Variants in GARRE1 observed in about 807,000 individuals in gnomAD.
GARRE1 encodes granule associated Rac and RHOG effector protein 1.
In GARRE1, 49 loss-of-function variants were observed where a neutral mutation model predicts 103.2. The ratio of observed to expected loss-of-function variants is 0.47; its 90% confidence interval spans 0.38 to 0.60. The LOEUF (loss-of-function observed/expected upper bound fraction) is 0.60, where lower values mean the gene tolerates loss of function less well. Ranked by LOEUF, GARRE1 falls within the 20% of genes least tolerant of loss-of-function variation. The pLI, the probability that GARRE1 is intolerant of heterozygous loss-of-function variation, is 0.00. For synonymous variants in GARRE1, 505 were observed against 532.8 expected (o/e 0.95, Z 0.72); for missense variants, 1,199 against 1,370.5 (o/e 0.87, Z 1.98).
At chr19:34,261,063 G>T (rs2073714688) in intron 1 of GARRE1, among the ~76,000 whole-genome samples, 1 of 152,186 alleles carries the variant, frequency 6.6e-6, no homozygotes, top group African/African-American at 2.4e-5. Context: ...GCGTGTCCCT[G>T]TTGTTGCCTC....
At chr19:34,261,388 C>G (rs1474129270) in intron 1 of GARRE1, among the ~76,000 whole-genome samples, 1 of 152,116 alleles carries the variant, frequency 6.6e-6, no homozygotes, top group Non-Finnish European at 1.5e-5. Flanking sequence ...AGTAACTGGC[C>G]TCTGGTTCAT....
rs375494460 is a variant in GARRE1 at position 34,347,860 on chromosome 19, C to A, written c.2522-17C>A. 1.3e-6 allele frequency: 2 copies of A among 1,510,384 alleles called. No homozygotes were observed. Among genetic ancestry groups the A allele is most frequent in the East Asian group, 2.5e-5 (1 of 39,470 alleles). 93.6% of individuals were successfully genotyped at this position (1,510,384 alleles called of 1,614,324 possible). On this transcript the variant is annotated splice_polypyrimidine_tract_variant and intron_variant, in intron 10 of 13. Transcript: ENST00000299505. ...AGTTTGTCCCCAAACCCGGTTTATT[C>A]CTTTGTCCCAATGCAGTGGGCTCAG... is the stretch of plus-strand genomic sequence containing the variant.
intron 2 of GARRE1, among the ~76,000 whole-genome samples, chr19:34,313,070 A>G (rs915232599): frequency 2.6e-5 from 4 of 152,204 alleles, no homozygotes; most frequent in African/African-American, 9.7e-5. Context: ...AGTGGGGAAG[A>G]GTAAGTTCAG....
At chr19:34,279,134 G>A (rs1300192457) in intron 1 of GARRE1, among the ~76,000 whole-genome samples, 3 of 152,148 alleles carry the variant, frequency 2.0e-5, no homozygotes, top group African/African-American at 7.2e-5. Flanking sequence ...CTTGCTTTCA[G>A]TTCTTTTGGG....
At chr19:34,324,972 A>G (rs983726449) in intron 3 of GARRE1, among the ~76,000 whole-genome samples, 7 of 152,180 alleles carry the variant, frequency 4.6e-5, no homozygotes, top group African/African-American at 1.7e-4. Flanking sequence ...TTCCACTCCT[A>G]TACAAGAACA....
At chr19:34,271,363 C>T (rs1176269396) in intron 1 of GARRE1, among the ~76,000 whole-genome samples, 3 of 150,902 alleles carry the variant, frequency 2.0e-5, no homozygotes, top group Non-Finnish European at 4.4e-5. Flanking sequence ...ATTCTCCTGT[C>T]TCAGCCTCCC....
chr19:34,294,715 A>G (rs1429680883), intron 1 of GARRE1, among the ~76,000 whole-genome samples: 1 of 151,778 alleles, frequency 6.6e-6, no homozygotes. Flanking sequence ...TTATTTTATT[A>G]TTATTTTCAG....
intron 2 of GARRE1, among the ~76,000 whole-genome samples, chr19:34,311,305 G>T (rs1353729682): frequency 2.0e-5 from 3 of 152,204 alleles, no homozygotes; most frequent in Non-Finnish European, 4.4e-5. Flanking sequence ...GTGGTCACTT[G>T]AATAAGATCT....
intron 10 of GARRE1, among the ~76,000 whole-genome samples, chr19:34,344,861 G>A (rs2074203714): frequency 6.7e-6 from 1 of 149,436 alleles, no homozygotes; most frequent in Admixed American, 6.7e-5. Context: ...TTTTTATACG[G>A]AGTCTCGCTC....
At chr19:34,280,615 T>C (rs535195762) in intron 1 of GARRE1, among the ~76,000 whole-genome samples, 3 of 152,350 alleles carry the variant, frequency 2.0e-5, no homozygotes, top group South Asian at 2.1e-4. Flanking sequence ...CAAGAAATTA[T>C]TGCTAAGTCT....
intron 2 of GARRE1, among the ~76,000 whole-genome samples, chr19:34,309,989 G>A (rs973737111): frequency 6.6e-6 from 1 of 152,220 alleles, no homozygotes; most frequent in African/African-American, 2.4e-5. Context: ...GCCAGCAGCA[G>A]GTGGGAGTCA....
intron 2 of GARRE1, among the ~76,000 whole-genome samples, chr19:34,310,526 C>T (rs1017935835): frequency 5.9e-5 from 9 of 152,216 alleles, no homozygotes; most frequent in Admixed American, 5.9e-4. Flanking sequence ...TGTAGAGGCA[C>T]CCCTGAGCAC....
intron 1 of GARRE1, among the ~76,000 whole-genome samples, chr19:34,277,549 A>G (rs568362187): frequency 6.6e-6 from 1 of 152,326 alleles, no homozygotes; most frequent in African/African-American, 2.4e-5. Context: ...TCAGTATTTT[A>G]GGCAAAAATA....
Position 34,352,848 on chromosome 19 carries a change from A to ACGCCCCCCCCC in GARRE1, c.3107_3108insGCCCCCCCCCC (p.Gln1039ProfsTer56). ...TGCCGCTGCCTTCTCCTATGTGCAGACCCCACCCCAGCCCCCACCCCCACC... is the reference window on the plus strand; with the variant it reads ...TGCCGCTGCCTTCTCCTATGTGCAGACGCCCCCCCCCCCCCACCCCAGCCCCCACCCCCACC... On this transcript the variant is annotated frameshift_variant, in exon 14 of 14. Transcript: ENST00000299505. LOFTEE classifies it high-confidence loss of function. The ACGCCCCCCCCC allele has an allele frequency of 1.9e-6, 3 of 1,591,632 alleles. No individual in the cohort carries two copies. The highest frequency in any genetic ancestry group is 2.6e-6 in the Non-Finnish European group (3 of 1,166,614).
chr19:34,347,951 C>T lies in GARRE1; in HGVS notation c.2596C>T (p.His866Tyr), dbSNP rs2074219666. The change falls in exon 11 of 14, where the codon CAC (histidine) becomes TAC (tyrosine). Residue 866 changes from histidine (H) to tyrosine (Y), a missense_variant. Physicochemically the swap from His to Tyr is moderately conservative, Grantham distance 83 (BLOSUM62 2). Transcript: ENST00000299505. ...GATGCAGCAGAAGCGGCAGGCCCAG[C>T]ACGGTCGCCGGCCAGGCAACCCCCG... ...QAMQQKRQAQHGRRPGNPRGN... is the reference protein window; with the variant it reads ...QAMQQKRQAQYGRRPGNPRGN... 5 of 1,591,758 alleles carry T rather than the reference C, an allele frequency of 3.1e-6. No homozygotes were observed. The East Asian group carries it at 1.2e-4, about 37-fold the overall frequency.
intron 1 of GARRE1, among the ~76,000 whole-genome samples, chr19:34,263,058 C>CA (rs1457632176): frequency 6.6e-6 from 1 of 151,776 alleles, no homozygotes; most frequent in African/African-American, 2.4e-5. Context: ...ACTAAAAATA[C>CA]AAAAATTAAC....
At chr19:34,284,496 A>G (rs2073874887) in intron 1 of GARRE1, among the ~76,000 whole-genome samples, 1 of 152,222 alleles carries the variant, frequency 6.6e-6, no homozygotes, top group South Asian at 2.1e-4. Flanking sequence ...GTAGAAATGA[A>G]TATTTTAAAT....
chr19:34,327,714 T>G, intron 4 of GARRE1, 57 bp from the exon 5 acceptor site: 1 of 1,531,440 alleles, frequency 6.5e-7, no homozygotes, highest in East Asian at 2.3e-5. Flanking sequence ...TCCATTGAAC[T>G]TTGTCATCTT....
chr19:34,254,659 G>GGTCGGGCGGT (rs2073658682), intron 1 of GARRE1, 45 bp downstream of exon 1: 1 of 146,652 alleles, frequency 6.8e-6, no homozygotes, highest in Non-Finnish European at 1.5e-5. Flanking sequence ...TGGCGGGCGG[G>GGTCGGGCGGT]GTCGGGCGGT....
Sources: gnomAD v4.1 joint callset for allele counts (sites outside exome capture counted in the v4.1 genomes callset) on GRCh38, gnomAD v4.1.1 for gene constraint, MANE v1.5 for transcripts, NCBI Gene and HGNC (gene_info 2026-07-23, HGNC 2026-07-21) for gene names.